The following GHR variants were observed in gnomAD, a reference collection of about 807,000 sequenced individuals.
GHR encodes growth hormone receptor, also known as GH receptor.
Under a neutral mutation model 67.1 loss-of-function variants are expected in GHR, and 35 were observed. The observed-to-expected ratio is 0.52, with a 90% CI of 0.40 to 0.69. The LOEUF (loss-of-function observed/expected upper bound fraction) is 0.69. Ranked by LOEUF, GHR falls within the 30% of genes least tolerant of loss-of-function variation. GHR has a pLI of 0.00. For missense variants in GHR, 792 were observed against 764.6 expected, an observed-to-expected ratio of 1.04 and a Z score of -0.42; for synonymous variants, 272 against 269.1, an observed-to-expected ratio of 1.01 and a Z score of -0.10.
intron 1 of GHR, among the ~76,000 whole-genome samples, chr5:42,487,648 T>C (rs1745939254): frequency 6.6e-6 from 1 of 152,216 alleles, no homozygotes; most frequent in South Asian, 2.1e-4. Context: ...TTCTTCCTTA[T>C]TCTTTCTTTT....
At chr5:42,561,463 A>T (rs138755988) in intron 1 of GHR, among the ~76,000 whole-genome samples, 157 of 152,342 alleles carry the variant, frequency 1.0e-3, no homozygotes, top group African/African-American at 3.7e-3. Context: ...TGGTTATAGC[A>T]TGCTGGAAAA....
intron 2 of GHR, among the ~76,000 whole-genome samples, chr5:42,582,258 G>A (rs1751216756): frequency 6.6e-6 from 1 of 152,252 alleles, no homozygotes; most frequent in African/African-American, 2.4e-5. Context: ...CTTCAAGCCA[G>A]GGATGGCCGG....
intron 1 of GHR, among the ~76,000 whole-genome samples, chr5:42,452,548 A>G (rs1744093949): frequency 6.6e-6 from 1 of 152,098 alleles, no homozygotes; most frequent in African/African-American, 2.4e-5. Context: ...CTTAGGTTTG[A>G]CTGTTTAATA....
chr5:42,706,490 C>T (rs1758181863), intron 6 of GHR, among the ~76,000 whole-genome samples: 1 of 152,032 alleles, frequency 6.6e-6, no homozygotes, highest in Non-Finnish European at 1.5e-5. Flanking sequence ...ATGGTATTTC[C>T]TAGGTTTTCT....
chr5:42,640,038 C>G (rs1481183006), intron 3 of GHR, among the ~76,000 whole-genome samples: 2 of 152,172 alleles, frequency 1.3e-5, no homozygotes, highest in Non-Finnish European at 2.9e-5. Context: ...AATACTGACA[C>G]AGATAAGTAA....
chr5:42,681,824 T>G (rs1040989878), intron 3 of GHR, among the ~76,000 whole-genome samples: 10 of 148,818 alleles, frequency 6.7e-5, no homozygotes, highest in African/African-American at 2.5e-4. Flanking sequence ...TAGTCCCAGC[T>G]ACTCGGGAGG....
At chr5:42,668,024 T>C (rs1038588912) in intron 3 of GHR, among the ~76,000 whole-genome samples, 8 of 152,186 alleles carry the variant, frequency 5.3e-5, no homozygotes, top group African/African-American at 1.9e-4. Flanking sequence ...CTCTACTGGA[T>C]TACGATCTTC....
At chr5:42,442,101 G>A (rs779151059) in intron 1 of GHR, among the ~76,000 whole-genome samples, 1 of 152,234 alleles carries the variant, frequency 6.6e-6, no homozygotes, top group East Asian at 1.9e-4. Context: ...GTTTTTGTTC[G>A]ATGCCTTATA....
At position 42,694,322 on chromosome 5, in the gene GHR, A is replaced by T. The variant is rs75738198; in HGVS notation, c.267-595A>T. 1.0e-3 allele frequency among the ~76,000 whole-genome samples: 153 copies of T among 152,332 alleles called. 2 individuals are homozygous for T. In the East Asian group the frequency reaches 0.029, roughly 28 times the overall value. On this transcript the variant is annotated intron_variant, in intron 4 of 9. Transcript: ENST00000230882. Reference sequence around the variant, plus strand: ...TTCTCATTAAATGTCAATAGAATGAATATAAGAGGCCCAAAAAACTACTCA... The same window carrying T: ...TTCTCATTAAATGTCAATAGAATGATTATAAGAGGCCCAAAAAACTACTCA...
chr5:42,512,090 G>C (rs1747043095), intron 1 of GHR, among the ~76,000 whole-genome samples: 1 of 152,088 alleles, frequency 6.6e-6, no homozygotes, highest in Non-Finnish European at 1.5e-5. Flanking sequence ...CCTGTGTATG[G>C]TCAAAAAATA....
intron 1 of GHR, among the ~76,000 whole-genome samples, chr5:42,475,301 A>G (rs1435832609): frequency 6.6e-6 from 1 of 152,132 alleles, no homozygotes; most frequent in Non-Finnish European, 1.5e-5. Flanking sequence ...GGATGTAATG[A>G]AGGCAGTAGA....
chr5:42,477,736 T>A (rs1040964772), intron 1 of GHR, among the ~76,000 whole-genome samples: 2 of 152,222 alleles, frequency 1.3e-5, no homozygotes, highest in Non-Finnish European at 2.9e-5. Context: ...GGTTGTTTGT[T>A]TTTTTCTTGT....
At chr5:42,612,377 A>G (rs1017559204) in intron 2 of GHR, among the ~76,000 whole-genome samples, 6 of 152,164 alleles carry the variant, frequency 3.9e-5, no homozygotes, top group African/African-American at 1.4e-4. Context: ...CCATTATTAT[A>G]TGCATAATTA....
intron 1 of GHR, among the ~76,000 whole-genome samples, chr5:42,516,480 G>A (rs1486350733): frequency 2.6e-5 from 4 of 152,028 alleles, no homozygotes; most frequent in African/African-American, 9.7e-5. Flanking sequence ...GTTCCCTTTT[G>A]CAACATGACA....
rs182267368 is a variant in GHR at position 42,508,224 on chromosome 5, G to A, written c.-11-57640G>A. Among the ~76,000 whole-genome samples, 146 of 152,274 alleles carry A rather than the reference G, an allele frequency of 9.6e-4. 1 individual carries two copies. The Middle Eastern group carries it at 0.01, about 11-fold the overall frequency. Reference sequence around the variant, plus strand: ...TTGCTGAGGTACATATGTGGTTAAGGAGCTGAGAGAACTGGTCTGATAGCT... The same window carrying A: ...TTGCTGAGGTACATATGTGGTTAAGAAGCTGAGAGAACTGGTCTGATAGCT... On this transcript the variant is annotated intron_variant, in intron 1 of 9. Transcript: ENST00000230882.
At chr5:42,479,624 G>C (rs1745516615) in intron 1 of GHR, among the ~76,000 whole-genome samples, 1 of 152,216 alleles carries the variant, frequency 6.6e-6, no homozygotes, top group African/African-American at 2.4e-5. Context: ...GAGGATGTAT[G>C]TGTCGAGGAA....
At chr5:42,513,025 T>C (rs1747086284) in intron 1 of GHR, among the ~76,000 whole-genome samples, 1 of 152,138 alleles carries the variant, frequency 6.6e-6, no homozygotes, top group African/African-American at 2.4e-5. Flanking sequence ...ATTAGAGAGA[T>C]TCTTAGAAGT....
chr5:42,468,433 C>A, intron 1 of GHR: 2 of 977,642 alleles, frequency 2.0e-6, no homozygotes, highest in Non-Finnish European at 3.0e-6. Context: ...CTCCCAGGGC[C>A]AAGATGAGTA....
chr5:42,445,966 G>A (rs112890202), intron 1 of GHR, among the ~76,000 whole-genome samples: 132 of 152,326 alleles, frequency 8.7e-4, no homozygotes, highest in African/African-American at 2.9e-3. Flanking sequence ...ATATTAACAG[G>A]CTCACTGTAG....
Sources: allele counts gnomAD v4.1 joint callset (sites outside exome capture counted in the v4.1 genomes callset), GRCh38; gene constraint gnomAD v4.1.1; transcripts MANE v1.5; gene names NCBI Gene and HGNC (gene_info 2026-07-23, HGNC 2026-07-21).